The following MTUS1 variants were observed in gnomAD, a reference collection of about 807,000 sequenced individuals.
MTUS1 encodes the protein microtubule-associated tumor suppressor 1.
MTUS1 carries 109 observed loss-of-function variants against 120.8 expected under a neutral mutation model. That is an observed-to-expected ratio of 0.90 (90% confidence interval 0.77 to 1.06). MTUS1 has a LOEUF of 1.06. Among genes scored for constraint, MTUS1 ranks in the 50% least tolerant of loss-of-function variants. MTUS1 has a pLI of 0.00. For missense variants in MTUS1, 2,210 were observed against 1,486.3 expected (o/e 1.49, Z -8.01); for synonymous variants, 737 against 550.5 (o/e 1.34, Z -4.74).
intron 2 of MTUS1, among the ~76,000 whole-genome samples, chr8:17,746,297 C>G (rs1169479171): frequency 6.6e-6 from 1 of 152,252 alleles, no homozygotes; most frequent in Middle Eastern, 3.4e-3. Flanking sequence ...TCCTGAGTTT[C>G]CCATATACCT....
intron 3 of MTUS1, among the ~76,000 whole-genome samples, chr8:17,728,645 T>C (rs1313403207): frequency 6.6e-6 from 1 of 152,072 alleles, no homozygotes; most frequent in East Asian, 1.9e-4. Context: ...TACAGCTTAG[T>C]AGGAACACAG....
intron 1 of MTUS1, among the ~76,000 whole-genome samples, chr8:17,773,237 C>T (rs1369802284): frequency 6.6e-6 from 1 of 152,038 alleles, no homozygotes; most frequent in African/African-American, 2.4e-5. Flanking sequence ...GTCTCTGAAC[C>T]GAATTTTTTA....
At chr8:17,652,039 C>A (rs1162105000) in intron 12 of MTUS1, among the ~76,000 whole-genome samples, 1 of 151,874 alleles carries the variant, frequency 6.6e-6, no homozygotes, top group African/African-American at 2.4e-5. Context: ...GAAGGTCTCA[C>A]TGAGAGATCC....
chr8:17,714,530 C>T (rs1012392390), intron 5 of MTUS1, among the ~76,000 whole-genome samples: 1 of 152,058 alleles, frequency 6.6e-6, no homozygotes, highest in Non-Finnish European at 1.5e-5. Context: ...ATTAATAAAC[C>T]CCAATAAAAG....
intron 8 of MTUS1, among the ~76,000 whole-genome samples, chr8:17,657,335 G>C (rs7388360): frequency 1.4e-5 from 2 of 146,860 alleles, no homozygotes; most frequent in South Asian, 2.2e-4. Context: ...TTGGGAGGCC[G>C]AGGCGGGCGG....
At chr8:17,680,893 G>A (rs774412006) in intron 7 of MTUS1, among the ~76,000 whole-genome samples, 2 of 151,868 alleles carry the variant, frequency 1.3e-5, no homozygotes, top group Admixed American at 1.3e-4. Flanking sequence ...TCGTTCACTG[G>A]GGGGAATACA....
chr8:17,771,256 T>G (rs898007618), intron 1 of MTUS1, among the ~76,000 whole-genome samples: 1 of 152,214 alleles, frequency 6.6e-6, no homozygotes, highest in Non-Finnish European at 1.5e-5. Context: ...TAGCAGTGGT[T>G]CACCATCTCA....
intron 6 of MTUS1, among the ~76,000 whole-genome samples, chr8:17,704,452 T>C (rs1415405638): frequency 6.6e-6 from 1 of 152,214 alleles, no homozygotes; most frequent in East Asian, 1.9e-4. Context: ...TTTTGTGTAC[T>C]GTGTGAGATA....
intron 3 of MTUS1, among the ~76,000 whole-genome samples, chr8:17,736,471 C>T (rs1460114687): frequency 2.0e-5 from 3 of 152,228 alleles, no homozygotes; most frequent in Non-Finnish European, 4.4e-5. Flanking sequence ...AAATGCCTCC[C>T]TCCTCCCTTC....
At position 17,697,126 on chromosome 8, in the gene MTUS1, C is replaced by T. The variant is rs941086484; in HGVS notation, c.2624-12584G>A. The T allele has an allele frequency of 3.5e-6, 4 of 1,141,172 alleles. 1 individual carries two copies. The highest frequency in any genetic ancestry group is 4.0e-5 in the South Asian group (2 of 49,746). 70.7% of individuals were successfully genotyped at this position (1,141,172 alleles called of 1,614,324 possible). On this transcript the variant is annotated intron_variant, in intron 6 of 14. Transcript: ENST00000693296. ...AACAGAAAACAATTTTTAAATTAAGCCTCATCTCTCATTAGAGAGAGCTTT... is the reference window on the plus strand; with the variant it reads ...AACAGAAAACAATTTTTAAATTAAGTCTCATCTCTCATTAGAGAGAGCTTT...
intron 7 of MTUS1, among the ~76,000 whole-genome samples, chr8:17,683,912 A>G (rs945711194): frequency 1.3e-5 from 2 of 152,220 alleles, no homozygotes. Flanking sequence ...TCAGGGAGTT[A>G]ACTCAAAAGT....
intron 1 of MTUS1, among the ~76,000 whole-genome samples, chr8:17,798,495 A>G (rs7819445): frequency 0.82 from 124,564 of 151,734 alleles, 51,540 homozygotes; most frequent in Non-Finnish European, 0.85. Flanking sequence ...AACACAATTG[A>G]CTAATTTTTT....
intron 3 of MTUS1, chr8:17,724,046 C>T (rs184829606): frequency 8.8e-6 from 5 of 569,980 alleles, no homozygotes; most frequent in Admixed American, 6.4e-5. Context: ...AATGATGAGG[C>T]AATTAGGATA....
chr8:17,743,520 G>A (rs114804129), intron 3 of MTUS1, 84 bp downstream of exon 3: 6 of 1,310,740 alleles, frequency 4.6e-6, no homozygotes, highest in Non-Finnish European at 6.3e-6. Flanking sequence ...CTGCTTTAGT[G>A]ACAGAAGGCA....
chr8:17,759,127 C>T (rs1430626367), intron 1 of MTUS1, among the ~76,000 whole-genome samples: 9 of 151,686 alleles, frequency 5.9e-5, no homozygotes, highest in Admixed American at 6.6e-5. Context: ...GTGATCCGCC[C>T]GCCTCGGCCT....
intron 6 of MTUS1, among the ~76,000 whole-genome samples, chr8:17,702,210 A>G (rs1278895892): frequency 6.6e-6 from 1 of 152,200 alleles, no homozygotes; most frequent in Non-Finnish European, 1.5e-5. Flanking sequence ...GGAGCTGTAC[A>G]TATGAGTGCT....
At chr8:17,796,043 G>C (rs1036770475) in intron 1 of MTUS1, among the ~76,000 whole-genome samples, 27 of 152,014 alleles carry the variant, frequency 1.8e-4, no homozygotes, top group South Asian at 4.2e-4. Flanking sequence ...TCCGCCTCCT[G>C]GATTCAAGGA....
intron 6 of MTUS1, among the ~76,000 whole-genome samples, chr8:17,708,412 C>T (rs987983413): frequency 6.6e-6 from 1 of 152,174 alleles, no homozygotes; most frequent in Non-Finnish European, 1.5e-5. Context: ...ACTTCATACC[C>T]AGTAGGGATA....
chr8:17,734,728 A>C (rs2046813936), intron 3 of MTUS1, among the ~76,000 whole-genome samples: 2 of 152,188 alleles, frequency 1.3e-5, no homozygotes, highest in African/African-American at 4.8e-5. Flanking sequence ...GAGATAAACA[A>C]GGGTCTTCAC....
Sources: allele counts gnomAD v4.1 joint callset (sites outside exome capture counted in the v4.1 genomes callset), GRCh38; gene constraint gnomAD v4.1.1; transcripts MANE v1.5; gene names NCBI Gene and HGNC (gene_info 2026-07-23, HGNC 2026-07-21).